Variants in NEGR1 observed in about 807,000 individuals in gnomAD.
NEGR1 encodes neuronal growth regulator 1.
NEGR1 carries 10 observed loss-of-function variants against 40.9 expected under a neutral mutation model. The ratio of observed to expected loss-of-function variants is 0.24; its 90% CI spans 0.15 to 0.42. The LOEUF is 0.42. Ranked by LOEUF, NEGR1 falls within the 10% of genes least tolerant of loss-of-function variation. The pLI, the probability that NEGR1 is intolerant of heterozygous loss-of-function variation, is 1.00. For synonymous variants in NEGR1, 185 were observed against 166.8 expected, an observed-to-expected ratio of 1.11 and a Z score of -0.84; for missense variants, 352 against 438.9, an observed-to-expected ratio of 0.80 and a Z score of 1.77.
At chr1:71,793,960 G>T (rs534077096) in intron 2 of NEGR1, among the ~76,000 whole-genome samples, 1 of 152,190 alleles carries the variant, frequency 6.6e-6, no homozygotes, top group South Asian at 2.1e-4. Context: ...GAAATGTGAG[G>T]CATATTTCAT....
intron 1 of NEGR1, among the ~76,000 whole-genome samples, chr1:72,153,829 G>C (rs532803996): frequency 6.6e-6 from 1 of 151,784 alleles, no homozygotes; most frequent in Non-Finnish European, 1.5e-5. Flanking sequence ...ACTAACTCAC[G>C]GTAGCATGGA....
intron 1 of NEGR1, among the ~76,000 whole-genome samples, chr1:72,138,701 A>G (rs552459416): frequency 1.1e-4 from 16 of 152,058 alleles, no homozygotes; most frequent in Non-Finnish European, 1.6e-4. Context: ...TCACTTAGGA[A>G]CAAATGTTCA....
chr1:72,115,554 CTGCTGG>C (rs1649548514), intron 1 of NEGR1, among the ~76,000 whole-genome samples: 2 of 151,738 alleles, frequency 1.3e-5, no homozygotes, highest in African/African-American at 4.8e-5. Context: ...TTAGCATTAG[CTGCTGG>C]ACAGAACAGA....
chr1:72,085,968 CAAAAAAAA>C (rs36028456), intron 1 of NEGR1, among the ~76,000 whole-genome samples: 1 of 63,058 alleles, frequency 1.6e-5, no homozygotes, highest in African/African-American at 5.6e-5. Context: ...GACTCTGTCT[CAAAAAAAA>C]AAAAAAAAAA....
chr1:71,466,053 T>G (rs1418344642), intron 6 of NEGR1, among the ~76,000 whole-genome samples: 1 of 152,010 alleles, frequency 6.6e-6, no homozygotes, highest in African/African-American at 2.4e-5. Flanking sequence ...ATTCCTCCAT[T>G]TCCTAGATGT....
intron 6 of NEGR1, among the ~76,000 whole-genome samples, chr1:71,457,403 T>G (rs1209121410): frequency 6.6e-6 from 1 of 152,234 alleles, no homozygotes; most frequent in African/African-American, 2.4e-5. Context: ...ATGAACTCTG[T>G]CACAAAGATA....
chr1:71,594,044 T>C (rs1649600627), intron 5 of NEGR1, among the ~76,000 whole-genome samples: 1 of 152,222 alleles, frequency 6.6e-6, no homozygotes, highest in African/African-American at 2.4e-5. Flanking sequence ...TTAATAGTGA[T>C]ATCCTATATA....
At chr1:71,776,623 T>G (rs1484690245) in intron 2 of NEGR1, among the ~76,000 whole-genome samples, 4 of 152,208 alleles carry the variant, frequency 2.6e-5, no homozygotes, top group African/African-American at 9.6e-5. Context: ...ATTTTATCCA[T>G]GGATCCTCAC....
intron 2 of NEGR1, among the ~76,000 whole-genome samples, chr1:71,812,382 G>A (rs899654027): frequency 6.6e-6 from 1 of 152,066 alleles, no homozygotes; most frequent in Non-Finnish European, 1.5e-5. Flanking sequence ...CTTTATAATA[G>A]AATAATTTAT....
At chr1:72,184,616 G>C (rs77595057) in intron 1 of NEGR1, among the ~76,000 whole-genome samples, 1,968 of 152,108 alleles carry the variant, frequency 0.013, 43 homozygotes, top group African/African-American at 0.045. Context: ...AAACATGTTA[G>C]TTGTGTACAA....
chr1:72,202,717 G>A (rs1653259880), intron 1 of NEGR1, among the ~76,000 whole-genome samples: 1 of 152,016 alleles, frequency 6.6e-6, no homozygotes, highest in African/African-American at 2.4e-5. Context: ...CATAGCTAAA[G>A]AAGAGAAGTC....
intron 1 of NEGR1, among the ~76,000 whole-genome samples, chr1:72,063,864 C>T (rs1233487069): frequency 7.4e-6 from 1 of 134,902 alleles, no homozygotes; most frequent in African/African-American, 2.5e-5. Context: ...TCCTCTAAGA[C>T]TTAATACTCA....
intron 4 of NEGR1, among the ~76,000 whole-genome samples, chr1:71,629,285 G>A (rs1023790976): frequency 4.0e-5 from 6 of 151,692 alleles, no homozygotes; most frequent in Non-Finnish European, 8.8e-5. Flanking sequence ...ATCAATGGTA[G>A]CTTGATGGGG....
chr1:71,454,443 A>T (rs371082139), intron 6 of NEGR1, among the ~76,000 whole-genome samples: 39 of 150,606 alleles, frequency 2.6e-4, no homozygotes, highest in African/African-American at 9.3e-4. Context: ...CTACTGTGAC[A>T]TTTTTTTTTC....
Position 71,917,823 on chromosome 1 carries a change from G to A in NEGR1, c.409+17256C>T, listed in dbSNP as rs181512922. Among the ~76,000 whole-genome samples, 11 of 150,364 alleles carry A rather than the reference G, an allele frequency of 7.3e-5. No homozygotes were observed. The East Asian group carries it at 2.2e-3, about 30-fold the overall frequency. On this transcript the variant is annotated intron_variant, in intron 2 of 6. Transcript: ENST00000357731. Reference sequence around the variant, plus strand: ...AGTAAGTCATATATATTTTGGAAGCGGCCAAATTGAACAGCAAACCACTCT... The same window carrying A: ...AGTAAGTCATATATATTTTGGAAGCAGCCAAATTGAACAGCAAACCACTCT...
At chr1:71,763,734 T>C (rs968463872) in intron 3 of NEGR1, among the ~76,000 whole-genome samples, 4 of 133,044 alleles carry the variant, frequency 3.0e-5, no homozygotes, top group African/African-American at 1.1e-4. Context: ...AAAGGGCTGA[T>C]GCATATTTAG....
At chr1:72,005,065 T>C (rs760147070) in intron 1 of NEGR1, among the ~76,000 whole-genome samples, 1 of 152,148 alleles carries the variant, frequency 6.6e-6, no homozygotes, top group Non-Finnish European at 1.5e-5. Context: ...TTTGCATTTT[T>C]GTTAGAGCCT....
chr1:71,628,602 C>T (rs2101561586), intron 4 of NEGR1, among the ~76,000 whole-genome samples: 1 of 151,136 alleles, frequency 6.6e-6, no homozygotes, highest in East Asian at 2.0e-4. Flanking sequence ...GTGTGATATT[C>T]CCCTCCCTTT....
At chr1:71,634,392 G>T (rs970239556) in intron 4 of NEGR1, among the ~76,000 whole-genome samples, 2 of 152,056 alleles carry the variant, frequency 1.3e-5, no homozygotes, top group Non-Finnish European at 2.9e-5. Flanking sequence ...AGCTTGGCAG[G>T]GACCAGCCAA....
Sources: gnomAD v4.1 joint callset for allele counts (sites outside exome capture counted in the v4.1 genomes callset) on GRCh38, gnomAD v4.1.1 for gene constraint, MANE v1.5 for transcripts, NCBI Gene and HGNC (gene_info 2026-07-23, HGNC 2026-07-21) for gene names.